Variants in ERC2 observed in about 807,000 individuals in gnomAD.
ERC2 encodes ELKS/RAB6-interacting/CAST family member 2, also known as ERC protein 2.
A neutral mutation model predicts 114.8 loss-of-function variants in ERC2; 42 were observed. The observed-to-expected ratio is 0.37, with a 90% CI of 0.29 to 0.47. ERC2 has a LOEUF of 0.47. ERC2 is among the 20% of genes least tolerant of loss of function. The pLI, the probability that ERC2 is intolerant of heterozygous loss-of-function variation, is 0.99. For missense variants in ERC2, 939 were observed against 1,150.7 expected (o/e 0.82, Z 2.66); for synonymous variants, 454 against 425.5 (o/e 1.07, Z -0.82).
intron 3 of ERC2, among the ~76,000 whole-genome samples, chr3:56,283,688 A>G (rs534713630): frequency 2.0e-5 from 3 of 152,374 alleles, no homozygotes; most frequent in Middle Eastern, 6.8e-3. Context: ...AAAAGTGCAC[A>G]TAGGTAGTGA....
At chr3:55,752,166 C>T (rs909007633) in intron 14 of ERC2, among the ~76,000 whole-genome samples, 6 of 152,142 alleles carry the variant, frequency 3.9e-5, no homozygotes, top group Non-Finnish European at 8.8e-5. Context: ...TCAGTTATGG[C>T]CTGATTTCCC....
intron 14 of ERC2, among the ~76,000 whole-genome samples, chr3:55,878,726 T>C (rs928838504): frequency 1.1e-4 from 17 of 152,218 alleles, no homozygotes; most frequent in African/African-American, 4.1e-4. Context: ...AATCAGTACT[T>C]AATAAGTGTT....
intron 2 of ERC2, among the ~76,000 whole-genome samples, chr3:56,387,462 T>G (rs7628943): frequency 0.34 from 51,032 of 152,028 alleles, 8,760 homozygotes; most frequent in African/African-American, 0.38. Flanking sequence ...CCATACTAAA[T>G]ATTAACTCCC....
chr3:55,722,168 G>A (rs957751998), intron 15 of ERC2, among the ~76,000 whole-genome samples: 1 of 152,062 alleles, frequency 6.6e-6, no homozygotes. Context: ...TGTGCCCAAC[G>A]GGGTCATGTC....
At chr3:56,199,065 A>G (rs896692332) in intron 3 of ERC2, among the ~76,000 whole-genome samples, 3 of 152,220 alleles carry the variant, frequency 2.0e-5, no homozygotes, top group Non-Finnish European at 4.4e-5. Context: ...AGGACTAAAG[A>G]AACCACGGTA....
chr3:56,154,726 T>C (rs73080405), intron 4 of ERC2, among the ~76,000 whole-genome samples: 3,318 of 152,304 alleles, frequency 0.022, 54 homozygotes, highest in African/African-American at 0.047. Context: ...CAAACCTGGA[T>C]GCAAATCCTA....
At chr3:55,691,824 T>C (rs1016765138) in intron 16 of ERC2, among the ~76,000 whole-genome samples, 1 of 151,894 alleles carries the variant, frequency 6.6e-6, no homozygotes, top group Non-Finnish European at 1.5e-5. Flanking sequence ...CACACATACA[T>C]ATATATGTAT....
chr3:56,370,445 A>G (rs1212462086), intron 2 of ERC2, among the ~76,000 whole-genome samples: 3 of 152,144 alleles, frequency 2.0e-5, no homozygotes, highest in Non-Finnish European at 2.9e-5. Context: ...AGAACAGACT[A>G]AACACTGCCT....
At chr3:56,098,063 A>G (rs559337651) in intron 6 of ERC2, among the ~76,000 whole-genome samples, 2 of 152,296 alleles carry the variant, frequency 1.3e-5, no homozygotes, top group Non-Finnish European at 2.9e-5. Flanking sequence ...ATACCCAGAA[A>G]TGAGAGCACT....
At chr3:56,187,436 G>T (rs546558582) in intron 3 of ERC2, among the ~76,000 whole-genome samples, 1 of 152,240 alleles carries the variant, frequency 6.6e-6, no homozygotes, top group South Asian at 2.1e-4. Context: ...AGTAAATAGG[G>T]TAGGACTCCA....
chr3:56,431,299 G>GTC (rs1208032311), intron 2 of ERC2, among the ~76,000 whole-genome samples: 4 of 152,116 alleles, frequency 2.6e-5, no homozygotes, highest in African/African-American at 9.7e-5. Flanking sequence ...CCATATATGT[G>GTC]TCTCTCCTCC....
At chr3:55,893,872 A>T (rs552573193) in intron 13 of ERC2, among the ~76,000 whole-genome samples, 1 of 152,302 alleles carries the variant, frequency 6.6e-6, no homozygotes, top group East Asian at 1.9e-4. Context: ...GCATATGCTC[A>T]TGTGTGTATC....
intron 2 of ERC2, among the ~76,000 whole-genome samples, chr3:56,400,821 G>A (rs898165557): frequency 1.3e-5 from 2 of 152,126 alleles, no homozygotes; most frequent in African/African-American, 4.8e-5. Flanking sequence ...TATCAAAAGA[G>A]AAGAAAAATT....
chr3:55,981,124 G>A (rs1336806782), intron 12 of ERC2, among the ~76,000 whole-genome samples: 1 of 152,204 alleles, frequency 6.6e-6, no homozygotes, highest in Non-Finnish European at 1.5e-5. Context: ...CGCCTCAAGG[G>A]TTCAAAACCA....
intron 2 of ERC2, among the ~76,000 whole-genome samples, chr3:56,345,821 C>T (rs1282207758): frequency 6.6e-6 from 1 of 152,174 alleles, no homozygotes; most frequent in Non-Finnish European, 1.5e-5. Flanking sequence ...CAAACACATG[C>T]ATGCAATCTG....
At chr3:56,068,148 G>T (rs113053360) in intron 7 of ERC2, among the ~76,000 whole-genome samples, 7 of 152,252 alleles carry the variant, frequency 4.6e-5, no homozygotes, top group African/African-American at 1.7e-4. Context: ...GTAGAATTTG[G>T]CTGTGAATCC....
chr3:56,299,106 G>GTT (rs539540086), intron 2 of ERC2, among the ~76,000 whole-genome samples: 15 of 123,234 alleles, frequency 1.2e-4, no homozygotes, highest in African/African-American at 2.3e-4. Flanking sequence ...GTTTTTTTTT[G>GTT]TTTTTTTTTT....
intron 6 of ERC2, among the ~76,000 whole-genome samples, chr3:56,118,192 T>C (rs189009529): frequency 7.3e-4 from 111 of 152,278 alleles, no homozygotes; most frequent in African/African-American, 2.6e-3. Flanking sequence ...GCCTTATTTA[T>C]AGGGACCATG....
chr3:55,673,738 A>T (rs1161197036), intron 17 of ERC2, among the ~76,000 whole-genome samples: 1 of 151,642 alleles, frequency 6.6e-6, no homozygotes, highest in East Asian at 1.9e-4. Flanking sequence ...CCAGAGTCCC[A>T]CACACTGAAT....
Sources: allele counts gnomAD v4.1 joint callset (sites outside exome capture counted in the v4.1 genomes callset), GRCh38; gene constraint gnomAD v4.1.1; transcripts MANE v1.5; gene names NCBI Gene and HGNC (gene_info 2026-07-23, HGNC 2026-07-21).